ANKFN1: variants seen among roughly 807,000 people sequenced by gnomAD.
ANKFN1 encodes the protein ankyrin repeat and fibronectin type-III domain-containing protein 1.
ANKFN1 carries 74 observed loss-of-function variants against 108.7 expected under a neutral mutation model. The ratio of observed to expected loss-of-function variants is 0.68; its 90% CI spans 0.56 to 0.83. ANKFN1 has a LOEUF of 0.83. Among genes scored for constraint, ANKFN1 ranks in the 40% least tolerant of loss-of-function variants. ANKFN1 has a pLI of 0.00. For synonymous variants in ANKFN1, 547 were observed against 516.2 expected (o/e 1.06, Z -0.81); for missense variants, 1,505 against 1,382.3 (o/e 1.09, Z -1.41).
At chr17:56,053,686 T>C (rs1904816644) in intron 4 of ANKFN1, among the ~76,000 whole-genome samples, 1 of 152,152 alleles carries the variant, frequency 6.6e-6, no homozygotes, top group Non-Finnish European at 1.5e-5. Flanking sequence ...GATTGTTGGA[T>C]TTTATGGTAG....
intron 1 of ANKFN1, among the ~76,000 whole-genome samples, chr17:56,155,873 A>G (rs1490456505): frequency 6.6e-6 from 1 of 152,196 alleles, no homozygotes; most frequent in Non-Finnish European, 1.5e-5. Context: ...ATAGTGTTCT[A>G]TAGATGATAT....
intron 8 of ANKFN1, among the ~76,000 whole-genome samples, chr17:56,430,234 G>C (rs970932899): frequency 2.6e-5 from 4 of 152,142 alleles, no homozygotes; most frequent in African/African-American, 9.7e-5. Context: ...GATGAACCTG[G>C]AGGGTATCAT....
chr17:56,380,984 T>G (rs1385852710), intron 8 of ANKFN1, among the ~76,000 whole-genome samples: 1 of 152,184 alleles, frequency 6.6e-6, no homozygotes, highest in Non-Finnish European at 1.5e-5. Flanking sequence ...GACTGCCTCC[T>G]CAAGTGGGTC....
In ANKFN1 at chr17:56,083,074, G is replaced by A. The variant is rs1036442150; in HGVS notation, c.288+36749G>A. ...GCCTTTTGCTCTTAAAGAATATTTG[G>A]GTGAGTGATAAGATTCTGAGCTGAC... On this transcript the variant is annotated intron_variant, in intron 4 of 12. Coordinates refer to the ANKFN1 transcript ENST00000635860. Among the ~76,000 whole-genome samples, 28 of 151,318 alleles carry A rather than the reference G, an allele frequency of 1.9e-4. 2 individuals are homozygous for A. Among genetic ancestry groups the A allele is most frequent in the African/African-American group, 6.3e-4 (26 of 41,188 alleles).
chr17:56,456,278 A>G (rs16957247), intron 11 of ANKFN1, among the ~76,000 whole-genome samples: 9,035 of 152,218 alleles, frequency 0.059, 383 homozygotes, highest in Non-Finnish European at 0.092. Flanking sequence ...AGCAGAGAGT[A>G]TCAACAGAAC....
At chr17:56,326,961 A>C (rs2045533718) in intron 4 of ANKFN1, among the ~76,000 whole-genome samples, 1 of 152,152 alleles carries the variant, frequency 6.6e-6, no homozygotes, top group African/African-American at 2.4e-5. Context: ...TGCTTGATCC[A>C]CCACTACTGT....
chr17:56,378,158 G>A (rs1261842950), intron 8 of ANKFN1, among the ~76,000 whole-genome samples: 1 of 152,182 alleles, frequency 6.6e-6, no homozygotes, highest in East Asian at 1.9e-4. Flanking sequence ...TGCTTCTGCA[G>A]TGACCAGGCC....
At chr17:56,212,841 G>A (rs73991449) in intron 2 of ANKFN1, among the ~76,000 whole-genome samples, 162 bp downstream of exon 2, 24,334 of 151,928 alleles carry the variant, frequency 0.16, 2,177 homozygotes, top group East Asian at 0.3. Flanking sequence ...TTTAGCTGGT[G>A]TTTTTTTTGC....
chr17:56,111,345 T>C (rs79031559), intron 4 of ANKFN1, among the ~76,000 whole-genome samples: 3 of 152,222 alleles, frequency 2.0e-5, no homozygotes, highest in East Asian at 3.9e-4. Context: ...CACACATCAA[T>C]TGGACCTGCT....
At chr17:56,072,197 CT>C (rs981716443) in intron 4 of ANKFN1, among the ~76,000 whole-genome samples, 4 of 152,186 alleles carry the variant, frequency 2.6e-5, no homozygotes, top group African/African-American at 7.2e-5. Flanking sequence ...ATATTAATCA[CT>C]TGTGTTTTCA....
chr17:56,503,648 T>A (rs1848448729), intron 20 of ANKFN1, among the ~76,000 whole-genome samples: 2 of 151,636 alleles, frequency 1.3e-5, no homozygotes, highest in Non-Finnish European at 1.5e-5. Context: ...TTTAAGTCAA[T>A]TATTCTTTCC....
intron 8 of ANKFN1, among the ~76,000 whole-genome samples, chr17:56,399,972 A>T (rs2047711575): frequency 6.7e-6 from 1 of 148,538 alleles, no homozygotes; most frequent in African/African-American, 2.5e-5. Context: ...AATTTTTTTA[A>T]TCCACTTGTG....
chr17:56,381,348 A>G (rs910865603), intron 8 of ANKFN1, among the ~76,000 whole-genome samples: 2 of 152,220 alleles, frequency 1.3e-5, no homozygotes, highest in African/African-American at 4.8e-5. Flanking sequence ...AAAACAGAGC[A>G]GAATAACTGG....
At chr17:56,469,833 C>A (rs886750998) in intron 15 of ANKFN1, among the ~76,000 whole-genome samples, 1 of 150,682 alleles carries the variant, frequency 6.6e-6, no homozygotes, top group Non-Finnish European at 1.5e-5. Context: ...GCAGGATGTG[C>A]AGGTTTGTTA....
chr17:56,372,625 A>G (rs1242779209), intron 6 of ANKFN1, 21 bp from the exon 7 acceptor site: 4 of 1,597,962 alleles, frequency 2.5e-6, no homozygotes, highest in Middle Eastern at 2.1e-4. Context: ...AAGAGAAGTA[A>G]TCCCATTTCT....
At chr17:56,368,356 T>C (rs1430535722) in intron 6 of ANKFN1, 1 of 246,518 alleles carries the variant, frequency 4.1e-6, no homozygotes, top group Non-Finnish European at 7.0e-6. Flanking sequence ...CTTGGCTCAC[T>C]GCAACCTCCG....
intron 1 of ANKFN1, among the ~76,000 whole-genome samples, chr17:56,163,346 C>T (rs992933901): frequency 2.6e-5 from 4 of 152,152 alleles, no homozygotes; most frequent in Non-Finnish European, 1.5e-5. Flanking sequence ...TGGACACTAG[C>T]CACTGTTTAA....
In ANKFN1 at chr17:56,337,939, C is replaced by T. The variant is rs1030683668; in HGVS notation, c.188+11584C>T. Among the ~76,000 whole-genome samples the T allele has an allele frequency of 7.9e-5, 12 of 152,094 alleles. No homozygotes were observed. The South Asian group carries it at 1.2e-3, about 16-fold the overall frequency. ...GAACTAGAAATACCATTTGACCCAG[C>T]GATTCCATTACTGGGTATATGCCCG... On this transcript the variant is annotated intron_variant, in intron 4 of 20. Coordinates refer to ENST00000682825, the MANE Select transcript of ANKFN1 (RefSeq NM_001370326.1).
Position 56,516,918 on chromosome 17 carries a change from C to G in ANKFN1, c.*5649C>G, listed in dbSNP as rs1598750004. Among the ~76,000 whole-genome samples the G allele has an allele frequency of 6.6e-6, 1 of 152,004 alleles. No individual in the cohort carries two copies. The highest frequency in any genetic ancestry group is 1.9e-4 in the East Asian group (1 of 5,190). On this transcript the variant is annotated 3_prime_UTR_variant, in exon 21 of 21. Coordinates refer to ENST00000682825, the MANE Select transcript of ANKFN1 (RefSeq NM_001370326.1). ...ATGAAGTCAAAAAATATTTTTTATT[C>G]TTCATTAGATTTTTTGCTGTTTAAG...
Sources: allele counts gnomAD v4.1 joint callset (sites outside exome capture counted in the v4.1 genomes callset), GRCh38; gene constraint gnomAD v4.1.1; transcripts MANE v1.5; gene names NCBI Gene and HGNC (gene_info 2026-07-23, HGNC 2026-07-21).